The following ABHD2 variants were observed in gnomAD, a reference collection of about 807,000 sequenced individuals.
ABHD2 encodes abhydrolase domain containing 2, acylglycerol lipase.
A neutral mutation model predicts 48.1 loss-of-function variants in ABHD2; 20 were observed. The observed-to-expected ratio is 0.42, with a 90% confidence interval of 0.29 to 0.60. The LOEUF is 0.60. Among genes scored for constraint, ABHD2 ranks in the 20% least tolerant of loss-of-function variants. The pLI, the probability that ABHD2 is intolerant of heterozygous loss-of-function variation, is 0.24. For missense variants in ABHD2, 405 were observed against 550.9 expected, an observed-to-expected ratio of 0.74 and a Z score of 2.65; for synonymous variants, 209 against 214.2, an observed-to-expected ratio of 0.98 and a Z score of 0.21.
rs2051018668 is a variant in ABHD2 at position 89,176,645 on chromosome 15, C to T, written c.722+650C>T. The stretch of plus-strand genomic sequence containing the variant: ...AAGATCACTGCTGTCCCAGGTCTCT[C>T]AAGAGTCACCACACTCACACGTTCA... On this transcript the variant is annotated intron_variant, in intron 6 of 10. Transcript: ENST00000352732. This position sits in a 1 kb window ranked among gnomAD's most constrained non-coding sequence, Gnocchi z 4.5. Among the ~76,000 whole-genome samples the T allele has an allele frequency of 6.6e-6, 1 of 152,238 alleles. No homozygotes were observed. Among genetic ancestry groups the T allele is most frequent in the African/African-American group, 2.4e-5 (1 of 41,534 alleles).
intron 10 of ABHD2, among the ~76,000 whole-genome samples, chr15:89,194,504 G>C (rs2051362426): frequency 6.6e-6 from 1 of 152,182 alleles, no homozygotes; most frequent in Admixed American, 6.5e-5. Context: ...TGGCCACTTA[G>C]CATGTGGCGT....
intron 3 of ABHD2, among the ~76,000 whole-genome samples, chr15:89,147,935 G>A (rs1168253337): frequency 6.6e-6 from 1 of 151,160 alleles, no homozygotes; most frequent in Non-Finnish European, 1.5e-5. Context: ...TGGCCAACAT[G>A]GTAAAACCCC....
At chr15:89,060,503 A>G in the ABHD2 span, among the ~76,000 whole-genome samples, 3 of 152,134 alleles carry the variant, frequency 2.0e-5, no homozygotes, top group Non-Finnish European at 4.4e-5. Context: ...CTAAGGACTT[A>G]TCTGCCCTCT....
chr15:89,187,828 A>C (rs192648684), intron 7 of ABHD2, among the ~76,000 whole-genome samples: 1 of 152,312 alleles, frequency 6.6e-6, no homozygotes, highest in East Asian at 1.9e-4. Context: ...ATTAAGGGGA[A>C]GGGTCTCTGC....
At chr15:89,078,301 G>A in the ABHD2 span, among the ~76,000 whole-genome samples, 2 of 152,120 alleles carry the variant, frequency 1.3e-5, no homozygotes, top group Non-Finnish European at 2.9e-5. Flanking sequence ...CAGATTAATT[G>A]GACTAAAATA....
intron 1 of ABHD2, among the ~76,000 whole-genome samples, chr15:89,107,345 C>T (rs999084870): frequency 1.3e-5 from 2 of 152,048 alleles, no homozygotes; most frequent in Non-Finnish European, 2.9e-5. Context: ...AGAGTATGTC[C>T]TGGAATTAAT....
chr15:89,153,419 A>G (rs1265535564), intron 4 of ABHD2, among the ~76,000 whole-genome samples: 2 of 152,192 alleles, frequency 1.3e-5, no homozygotes, highest in African/African-American at 4.8e-5. Flanking sequence ...TATTCACCAT[A>G]CCCAGTTAAA....
chr15:89,108,630 G>A (rs1264358366), intron 1 of ABHD2, among the ~76,000 whole-genome samples: 1 of 152,248 alleles, frequency 6.6e-6, no homozygotes, highest in African/African-American at 2.4e-5. Flanking sequence ...TTTCCGCACT[G>A]TAAGTTGTGT....
upstream of ABHD2, chr15:89,087,238 C>A (rs1224353764): frequency 6.6e-6 from 1 of 152,204 alleles, no homozygotes; most frequent in African/African-American, 2.4e-5. The surrounding 1 kb of genome is among the most constrained non-coding windows in gnomAD (Gnocchi z 5.5). Context: ...AAACTTGAGC[C>A]AGCCCACTGT....
the ABHD2 span, among the ~76,000 whole-genome samples, chr15:89,068,463 G>A: frequency 9.9e-5 from 15 of 152,116 alleles, no homozygotes; most frequent in South Asian, 2.1e-4. Context: ...ATCCGGAGGC[G>A]TCTTCACCCA....
At chr15:89,148,230 A>G (rs2050530657) in intron 3 of ABHD2, among the ~76,000 whole-genome samples, 1 of 152,178 alleles carries the variant, frequency 6.6e-6, no homozygotes, top group African/African-American at 2.4e-5. Flanking sequence ...GGATAATAAA[A>G]CAATACTTAT....
chr15:89,105,845 GT>G, intron 1 of ABHD2, among the ~76,000 whole-genome samples: 1 of 152,212 alleles, frequency 6.6e-6, no homozygotes, highest in South Asian at 2.1e-4. Flanking sequence ...GGTGGTGGTG[GT>G]GGTGAGAGGA....
chr15:89,195,234 A>G lies in ABHD2; in HGVS notation c.1089A>G (p.Arg363=), dbSNP rs769820019. Residue 363 remains arginine (R), a synonymous_variant, in exon 11 of 11, where the codon CGA becomes CGG. Transcript: ENST00000352732. The surrounding 1 kb of genome is among the most constrained non-coding windows in gnomAD (Gnocchi z 5.1). ...LTIPKSLSEK[R]ENVMFVLPLH... is the part of the protein sequence containing the mutation. ...GCTGCGTTTCCCCTGCAGAGAAACG[A>G]GAGAACGTCATGTTTGTGCTGCCTC... 11 of 1,613,452 alleles carry G rather than the reference A, an allele frequency of 6.8e-6. No individual in the cohort carries two copies. In the East Asian group the frequency reaches 1.8e-4, roughly 26 times the overall value.
chr15:89,053,183 G>T, the ABHD2 span, among the ~76,000 whole-genome samples: 1 of 151,968 alleles, frequency 6.6e-6, no homozygotes, highest in African/African-American at 2.4e-5. Flanking sequence ...CGCCAGGATG[G>T]TCTCAATCTC....
At chr15:89,112,382 T>C (rs914653921) in intron 1 of ABHD2, among the ~76,000 whole-genome samples, 1 of 152,242 alleles carries the variant, frequency 6.6e-6, no homozygotes, top group Non-Finnish European at 1.5e-5. Flanking sequence ...GCTGCCAGTT[T>C]AGGATCTTTG....
At chr15:89,142,886 C>T (rs774757839) in intron 3 of ABHD2, among the ~76,000 whole-genome samples, 6 of 152,114 alleles carry the variant, frequency 3.9e-5, no homozygotes, top group Non-Finnish European at 8.8e-5. Context: ...AGGGGTTGAA[C>T]CCAGTGACAT....
At chr15:89,046,202 T>C in the ABHD2 span, among the ~76,000 whole-genome samples, 9 of 152,248 alleles carry the variant, frequency 5.9e-5, no homozygotes, top group African/African-American at 2.2e-4. Flanking sequence ...ATTACGTTTA[T>C]TGATTTGCGT....
intron 1 of ABHD2, among the ~76,000 whole-genome samples, chr15:89,101,638 A>G (rs1187585135): frequency 1.3e-5 from 2 of 152,244 alleles, no homozygotes; most frequent in African/African-American, 4.8e-5. Flanking sequence ...CAGAACCCCC[A>G]ACAGAGATGA....
At chr15:89,096,139 C>T (rs959105910) in intron 1 of ABHD2, among the ~76,000 whole-genome samples, 2 of 151,434 alleles carry the variant, frequency 1.3e-5, no homozygotes, top group African/African-American at 4.9e-5. Context: ...TGTAGGCTCT[C>T]GGGATCCATA....
Sources: allele counts gnomAD v4.1 joint callset (sites outside exome capture counted in the v4.1 genomes callset), GRCh38; gene constraint gnomAD v4.1.1; non-coding constraint Gnocchi (gnomAD v3.1); transcripts MANE v1.5; gene names NCBI Gene and HGNC (gene_info 2026-07-23, HGNC 2026-07-21).